The following POU6F2 variants were observed in gnomAD, a reference collection of about 807,000 sequenced individuals.
The protein encoded by POU6F2 is POU domain, class 6, transcription factor 2.
In POU6F2, 31 loss-of-function variants were observed where a neutral mutation model predicts 71.3. That is an observed-to-expected ratio of 0.43 (90% CI 0.33 to 0.59). The LOEUF is 0.59. Ranked by LOEUF, POU6F2 falls within the 20% of genes least tolerant of loss-of-function variation. The probability of loss-of-function intolerance (pLI) is 0.04; values close to 1 mark genes in which losing one functional copy is unlikely to be tolerated. For synonymous variants in POU6F2, 347 were observed against 355.7 expected (o/e 0.98, Z 0.27); for missense variants, 783 against 856.8 (o/e 0.91, Z 1.07).
chr7:39,017,646 T>TAG (rs1789588165), intron 1 of POU6F2, among the ~76,000 whole-genome samples: 2 of 152,144 alleles, frequency 1.3e-5, no homozygotes, highest in East Asian at 3.9e-4. Flanking sequence ...AGCCCCCTTA[T>TAG]CCACCCTGGG....
At chr7:39,398,708 G>A (rs182949160) in intron 5 of POU6F2, among the ~76,000 whole-genome samples, 8 of 152,228 alleles carry the variant, frequency 5.3e-5, no homozygotes, top group Non-Finnish European at 7.4e-5. Context: ...AAGGCCAGTC[G>A]GACTATCCCA....
At chr7:38,984,459 C>G (rs1196234258) in intron 1 of POU6F2, 1 of 152,090 alleles carries the variant, frequency 6.6e-6, no homozygotes, top group Admixed American at 6.6e-5. Flanking sequence ...CAGCAGAAAA[C>G]TCACCAATAT....
intron 2 of POU6F2, among the ~76,000 whole-genome samples, chr7:39,161,298 A>C (rs1792992679): frequency 6.6e-6 from 1 of 152,218 alleles, no homozygotes; most frequent in Admixed American, 6.5e-5. Context: ...TTATCTTTTC[A>C]GAAAAACATT....
At chr7:39,198,573 A>G (rs1793830948) in intron 2 of POU6F2, among the ~76,000 whole-genome samples, 1 of 152,216 alleles carries the variant, frequency 6.6e-6, no homozygotes, top group South Asian at 2.1e-4. Context: ...TCAATAGGTG[A>G]ATTTACAAGT....
intron 2 of POU6F2, among the ~76,000 whole-genome samples, chr7:39,094,527 G>A (rs1791417712): frequency 6.6e-6 from 1 of 152,022 alleles, no homozygotes; most frequent in South Asian, 2.1e-4. Flanking sequence ...AGTGATTGGT[G>A]TACAATAAAG....
rs193210028 is a variant in POU6F2 at position 39,277,330 on chromosome 7, G to A, written c.599-62312G>A. 2.0e-3 allele frequency among the ~76,000 whole-genome samples: 308 copies of A among 152,240 alleles called. 3 individuals are homozygous for A. The highest frequency in any genetic ancestry group is 3.5e-3 in the South Asian group (17 of 4,824). On this transcript the variant is annotated intron_variant, in intron 4 of 9. Coordinates refer to ENST00000518318, the MANE Select transcript of POU6F2 (RefSeq NM_001370959.1). ...GTATATTGCGTGATGCTGAGGTTGG[G>A]CTTCTATTGATCCCAACACGAAGAT...
rs558771627 is a variant in POU6F2 at position 39,442,059 on chromosome 7, C to T, written c.1320+8776C>T. Among the ~76,000 whole-genome samples, 407 of 152,246 alleles carry T rather than the reference C, an allele frequency of 2.7e-3. 1 individual carries two copies. The highest frequency in any genetic ancestry group is 4.9e-3 in the Non-Finnish European group (335 of 68,008). On this transcript the variant is annotated intron_variant, in intron 7 of 9. Transcript: ENST00000518318. ...GCCTCCATTTGGCTCCTGATCCAAC[C>T]ACGAAAACAAACCCATTCTTGGTGG...
At chr7:39,015,388 T>C (rs527462632) in intron 1 of POU6F2, among the ~76,000 whole-genome samples, 1 of 129,424 alleles carries the variant, frequency 7.7e-6, no homozygotes, top group South Asian at 2.4e-4. Context: ...TAATATATAA[T>C]AGATATATAT....
chr7:39,238,300 A>T (rs1794710988), intron 4 of POU6F2, among the ~76,000 whole-genome samples: 2 of 152,118 alleles, frequency 1.3e-5, no homozygotes, highest in African/African-American at 4.8e-5. Context: ...CGCCTGACAC[A>T]TGGTAGTTGC....
chr7:39,056,423 C>T (rs886364126), intron 1 of POU6F2, among the ~76,000 whole-genome samples: 2 of 151,926 alleles, frequency 1.3e-5, no homozygotes, highest in Non-Finnish European at 2.9e-5. Flanking sequence ...ACAATATATT[C>T]GAACATAATG....
At chr7:39,408,537 G>A (rs1787486645) in intron 6 of POU6F2, among the ~76,000 whole-genome samples, 1 of 152,188 alleles carries the variant, frequency 6.6e-6, no homozygotes, top group South Asian at 2.1e-4. Flanking sequence ...CCAAGTAGAA[G>A]ATTGATTGGT....
chr7:39,158,147 A>G (rs891305002), intron 2 of POU6F2, among the ~76,000 whole-genome samples: 4 of 152,160 alleles, frequency 2.6e-5, no homozygotes, highest in Admixed American at 1.3e-4. Flanking sequence ...GTTGTGATTG[A>G]GATTAAAGGA....
intron 1 of POU6F2, among the ~76,000 whole-genome samples, chr7:39,013,979 T>G (rs1320231491): frequency 6.6e-6 from 1 of 152,192 alleles, no homozygotes; most frequent in Non-Finnish European, 1.5e-5. Context: ...TTTTTTCCCT[T>G]CAGAGGAATG....
At position 39,395,012 on chromosome 7, in the gene POU6F2, G is replaced by T. The variant is rs562579291; in HGVS notation, c.973-11588G>T. Among the ~76,000 whole-genome samples, 55 of 152,204 alleles carry T rather than the reference G, an allele frequency of 3.6e-4. No homozygotes were observed. In the South Asian group the frequency reaches 9.3e-3, roughly 26 times the overall value. On this transcript the variant is annotated intron_variant, in intron 5 of 9. Transcript: ENST00000518318. Reference sequence around the variant, plus strand: ...GTGCTTCTGTGTGCAGTTACCCCCAGCTGCACTCCCTCCCTCTGATTGCCC... The same window carrying T: ...GTGCTTCTGTGTGCAGTTACCCCCATCTGCACTCCCTCCCTCTGATTGCCC...
intron 4 of POU6F2, among the ~76,000 whole-genome samples, chr7:39,249,855 C>T (rs1017408636): frequency 2.6e-5 from 4 of 152,126 alleles, no homozygotes; most frequent in African/African-American, 9.7e-5. Flanking sequence ...ATCAAACCTG[C>T]AGTATTGATT....
intron 2 of POU6F2, among the ~76,000 whole-genome samples, chr7:39,187,525 T>A (rs1481903600): frequency 1.3e-5 from 2 of 152,312 alleles, no homozygotes; most frequent in Non-Finnish European, 2.9e-5. Flanking sequence ...CAGCTATGCT[T>A]GTGGTCTGCA....
At position 39,025,705 on chromosome 7, in the gene POU6F2, T is replaced by C. The variant is rs377731964; in HGVS notation, c.105+47647T>C. ...TAGGCATGGGCAAGGACTTCATGTC[T>C]AAAACACCAAAAGCAATGGCAACAA... On this transcript the variant is annotated intron_variant, in intron 1 of 9. Coordinates refer to ENST00000518318, the MANE Select transcript of POU6F2 (RefSeq NM_001370959.1). Among the ~76,000 whole-genome samples, 162 of 151,116 alleles carry C rather than the reference T, an allele frequency of 1.1e-3. 2 individuals are homozygous for C. The East Asian group carries it at 0.028, about 27-fold the overall frequency.
chr7:39,090,381 C>T (rs1791339302), intron 2 of POU6F2, among the ~76,000 whole-genome samples: 1 of 152,108 alleles, frequency 6.6e-6, no homozygotes, highest in African/African-American at 2.4e-5. Flanking sequence ...AATTGTCACC[C>T]CTTGAGACAG....
intron 1 of POU6F2, among the ~76,000 whole-genome samples, chr7:39,077,293 A>G (rs1296556489): frequency 6.6e-6 from 1 of 150,392 alleles, no homozygotes; most frequent in African/African-American, 2.5e-5. Flanking sequence ...CATGGTTCAT[A>G]CAGTCATTTT....
Sources: gnomAD v4.1 joint callset for allele counts (sites outside exome capture counted in the v4.1 genomes callset) on GRCh38, gnomAD v4.1.1 for gene constraint, MANE v1.5 for transcripts, NCBI Gene and HGNC (gene_info 2026-07-23, HGNC 2026-07-21) for gene names.